GALNT13: variants seen among roughly 807,000 people sequenced by gnomAD.
GALNT13 encodes the protein polypeptide N-acetylgalactosaminyltransferase 13, also known as UDP-GalNAc:polypeptide N-acetylgalactosaminyltransferase 13.
A neutral mutation model predicts 64.2 loss-of-function variants in GALNT13; 28 were observed. The observed-to-expected ratio is 0.44, with a 90% CI of 0.32 to 0.60. GALNT13 has a LOEUF of 0.60. GALNT13 is among the 20% of genes least tolerant of loss of function. The probability of loss-of-function intolerance (pLI) is 0.05; values close to 1 mark genes in which losing one functional copy is unlikely to be tolerated. For synonymous variants in GALNT13, 214 were observed against 224.6 expected (o/e 0.95, Z 0.42); for missense variants, 577 against 669.8 (o/e 0.86, Z 1.53).
intron 4 of GALNT13, among the ~76,000 whole-genome samples, chr2:154,181,625 A>C (rs1685964168): frequency 6.6e-6 from 1 of 152,082 alleles, no homozygotes; most frequent in African/African-American, 2.4e-5. Flanking sequence ...TATAAAATAC[A>C]TTCTTTTTCT....
intron 3 of GALNT13, among the ~76,000 whole-genome samples, chr2:154,027,458 G>A (rs974615492): frequency 6.6e-6 from 1 of 152,022 alleles, no homozygotes; most frequent in South Asian, 2.1e-4. Flanking sequence ...GCAAACTGTC[G>A]AATGGACAAC....
chr2:153,687,418 G>GCA, the GALNT13 span, among the ~76,000 whole-genome samples: 2 of 151,880 alleles, frequency 1.3e-5, no homozygotes, highest in Non-Finnish European at 2.9e-5. Flanking sequence ...AGATTTTCTA[G>GCA]TTTATATGCA....
At chr2:153,280,023 TA>T in the GALNT13 span, among the ~76,000 whole-genome samples, 5 of 152,166 alleles carry the variant, frequency 3.3e-5, no homozygotes, top group African/African-American at 1.2e-4. Flanking sequence ...GTAGACTTTT[TA>T]TTACTGATTC....
intron 3 of GALNT13, among the ~76,000 whole-genome samples, chr2:153,949,959 T>G (rs1692050934): frequency 6.6e-6 from 1 of 151,970 alleles, no homozygotes; most frequent in African/African-American, 2.4e-5. Flanking sequence ...GAAGTTTGGA[T>G]TTAGGACTTA....
the GALNT13 span, among the ~76,000 whole-genome samples, chr2:153,182,067 G>A: frequency 2.8e-4 from 42 of 149,408 alleles, no homozygotes; most frequent in Non-Finnish European, 5.0e-4. Flanking sequence ...TTTTTGAGGC[G>A]GGGTCTCGCT....
chr2:154,322,701 A>G (rs890068068), intron 9 of GALNT13, among the ~76,000 whole-genome samples: 3 of 152,072 alleles, frequency 2.0e-5, no homozygotes, highest in Non-Finnish European at 4.4e-5. Flanking sequence ...CTCTTACTAT[A>G]TAACAAATTA....
At chr2:153,596,834 C>A in the GALNT13 span, among the ~76,000 whole-genome samples, 1,761 of 151,994 alleles carry the variant, frequency 0.012, 37 homozygotes, top group African/African-American at 0.041. Context: ...TAATAACATT[C>A]TATTTCAGAA....
chr2:153,486,009 C>T, the GALNT13 span, among the ~76,000 whole-genome samples: 1 of 152,172 alleles, frequency 6.6e-6, no homozygotes, highest in Non-Finnish European at 1.5e-5. Flanking sequence ...ATGATCTCAG[C>T]TTACTGCAAC....
chr2:153,701,627 A>C, the GALNT13 span, among the ~76,000 whole-genome samples: 1 of 152,206 alleles, frequency 6.6e-6, no homozygotes, highest in Non-Finnish European at 1.5e-5. Flanking sequence ...AAGGAACTTA[A>C]ATTTATGAGA....
chr2:153,842,375 A>G, the GALNT13 span, among the ~76,000 whole-genome samples: 1 of 152,296 alleles, frequency 6.6e-6, no homozygotes, highest in East Asian at 1.9e-4. Context: ...GGTGAGAAAA[A>G]TATTGGTGAT....
intron 9 of GALNT13, among the ~76,000 whole-genome samples, chr2:154,331,284 A>G (rs1280706527): frequency 2.6e-5 from 4 of 151,192 alleles, no homozygotes; most frequent in Non-Finnish European, 4.4e-5. Flanking sequence ...CAGTAACTAC[A>G]TTTTTTTTTA....
the GALNT13 span, among the ~76,000 whole-genome samples, chr2:153,509,991 T>G: frequency 2.0e-5 from 3 of 152,338 alleles, 1 homozygote. Flanking sequence ...GTTGTTTGAT[T>G]GCACTTATTT....
the GALNT13 span, among the ~76,000 whole-genome samples, chr2:153,345,658 T>TCTTTCTTTCTTC: frequency 5.0e-5 from 7 of 138,964 alleles, no homozygotes; most frequent in African/African-American, 1.9e-4. Flanking sequence ...TTTCTTTCTT[T>TCTTTCTTTCTTC]CTTTCTTTCT....
the GALNT13 span, among the ~76,000 whole-genome samples, chr2:153,417,292 G>A: frequency 2.0e-5 from 3 of 152,260 alleles, no homozygotes; most frequent in Admixed American, 6.5e-5. Context: ...TATGGGAGAC[G>A]GGGAGCAGAT....
chr2:153,096,677 G>T, the GALNT13 span, among the ~76,000 whole-genome samples: 1 of 152,012 alleles, frequency 6.6e-6, no homozygotes, highest in Non-Finnish European at 1.5e-5. Flanking sequence ...TGTAAGTATA[G>T]TGACTCCTGT....
intron 2 of GALNT13, among the ~76,000 whole-genome samples, chr2:153,908,571 G>A (rs963160278): frequency 2.6e-5 from 4 of 152,040 alleles, no homozygotes; most frequent in African/African-American, 9.7e-5. Flanking sequence ...TTTTCTATGT[G>A]GTATAAAGAA....
chr2:153,623,599 A>C, the GALNT13 span, among the ~76,000 whole-genome samples: 6 of 152,136 alleles, frequency 3.9e-5, no homozygotes, highest in South Asian at 1.0e-3. Context: ...ATACAATAAA[A>C]ATGGCATAAC....
the GALNT13 span, among the ~76,000 whole-genome samples, chr2:153,078,201 A>G: frequency 6.6e-6 from 1 of 151,608 alleles, no homozygotes; most frequent in Non-Finnish European, 1.5e-5. Context: ...TGATTTTATA[A>G]CTTGCTATTT....
chr2:153,527,378 G>A, the GALNT13 span, among the ~76,000 whole-genome samples: 1 of 152,168 alleles, frequency 6.6e-6, no homozygotes, highest in East Asian at 1.9e-4. Flanking sequence ...CCAGTTGAGA[G>A]TGGCAAGACA....
Sources: allele counts gnomAD v4.1 joint callset (sites outside exome capture counted in the v4.1 genomes callset), GRCh38; gene constraint gnomAD v4.1.1; transcripts MANE v1.5; gene names NCBI Gene and HGNC (gene_info 2026-07-23, HGNC 2026-07-21).